PVT1: variants seen among roughly 807,000 people sequenced by gnomAD.
PVT1 encodes CXCR4/PVT1 fusion.
chr8:127,962,652 G>A (rs1222936180), intron 3 of PVT1, among the ~76,000 whole-genome samples: 2 of 151,926 alleles, frequency 1.3e-5, no homozygotes, highest in East Asian at 1.9e-4. Flanking sequence ...GCTGGAGTGC[G>A]GGGGTGCTAT....
chr8:128,009,949 C>T (rs1214426910), intron 4 of PVT1, among the ~76,000 whole-genome samples: 2 of 152,112 alleles, frequency 1.3e-5, no homozygotes, highest in Non-Finnish European at 1.5e-5. Flanking sequence ...TCAGGAAAGT[C>T]GACTAAGATA....
intron 2 of PVT1, among the ~76,000 whole-genome samples, chr8:127,851,077 G>A (rs1334936719): frequency 1.3e-5 from 2 of 151,802 alleles, no homozygotes; most frequent in African/African-American, 2.4e-5. Flanking sequence ...GCATTTTTAA[G>A]CATTTTATAT....
intron 4 of PVT1, among the ~76,000 whole-genome samples, chr8:128,025,968 T>G (rs1369307937): frequency 6.6e-6 from 1 of 151,962 alleles, no homozygotes; most frequent in African/African-American, 2.4e-5. Flanking sequence ...TTTTTTTCTT[T>G]TGAGACAGAC....
intron 3 of PVT1, among the ~76,000 whole-genome samples, chr8:127,987,590 T>C (rs1816983927): frequency 6.6e-6 from 1 of 152,220 alleles, no homozygotes. Context: ...TGCTAAACTC[T>C]GCAAAGATTC....
intron 3 of PVT1, among the ~76,000 whole-genome samples, chr8:127,930,774 C>A (rs1019673814): frequency 3.9e-5 from 6 of 152,146 alleles, no homozygotes; most frequent in Non-Finnish European, 8.8e-5. Context: ...CCGCTGAGAA[C>A]CCCCTTATAG....
At position 128,044,740 on chromosome 8, in the gene PVT1, C is replaced by T. The variant is rs147060963; in HGVS notation, n.913-25420C>T. Among the ~76,000 whole-genome samples, 7 of 152,360 alleles carry T rather than the reference C, an allele frequency of 4.6e-5. No homozygotes were observed. The South Asian group carries it at 1.0e-3, about 23-fold the overall frequency. On this transcript the variant is annotated intron_variant and non_coding_transcript_variant, in intron 4 of 10. Coordinates refer to ENST00000651587, the Ensembl canonical transcript of PVT1. ...TAAAATACCAAGTATGGTGCCTGTGCATAGTTGGCCATCAATGAGTGGTGG... is the reference window on the plus strand; with the variant it reads ...TAAAATACCAAGTATGGTGCCTGTGTATAGTTGGCCATCAATGAGTGGTGG...
intron 4 of PVT1, among the ~76,000 whole-genome samples, chr8:128,016,756 G>A (rs935645856): frequency 1.3e-5 from 2 of 152,150 alleles, no homozygotes; most frequent in African/African-American, 4.8e-5. Context: ...CAGGTGACAC[G>A]ACATGGTTAT....
At chr8:128,013,387 T>G (rs1817337191) in intron 4 of PVT1, among the ~76,000 whole-genome samples, 1 of 20,140 alleles carries the variant, frequency 5.0e-5, no homozygotes, top group Non-Finnish European at 9.2e-5. Context: ...ATTTTTCCTG[T>G]TTTTTTTTCC....
chr8:127,920,096 A>T (rs146702755), intron 3 of PVT1, among the ~76,000 whole-genome samples: 1 of 152,316 alleles, frequency 6.6e-6, no homozygotes, highest in Non-Finnish European at 1.5e-5. Flanking sequence ...GTTCCTGCAG[A>T]CAGAGCTTGC....
intron 2 of PVT1, among the ~76,000 whole-genome samples, chr8:127,854,275 G>A (rs933908857): frequency 2.6e-5 from 4 of 152,244 alleles, no homozygotes; most frequent in Non-Finnish European, 5.9e-5. Flanking sequence ...CCTCTGGGCT[G>A]ACTCGAGCCC....
rs35147410 is a variant in PVT1 at position 127,937,548 on chromosome 8, GACAC to G, written n.782+46580_782+46583del. Among the ~76,000 whole-genome samples the G allele has an allele frequency of 2.3e-3, 286 of 122,624 alleles. 1 individual carries two copies. Among genetic ancestry groups the G allele is most frequent in the Non-Finnish European group, 2.7e-3 (168 of 62,220 alleles). The allele number at this position is 122,624 out of a possible 152,430, so 80.4% of individuals were successfully genotyped here. ...AGAAAATGCCCACCCTAGGGAAAAAGACACACACACACACACACACACACACACA... is the reference window on the plus strand; with the variant it reads ...AGAAAATGCCCACCCTAGGGAAAAAGACACACACACACACACACACACACA... On this transcript the variant is annotated intron_variant and non_coding_transcript_variant, in intron 3 of 10. Transcript: ENST00000651587.
chr8:128,030,817 T>A (rs1213720920), intron 4 of PVT1, among the ~76,000 whole-genome samples: 1 of 152,170 alleles, frequency 6.6e-6, no homozygotes, highest in Non-Finnish European at 1.5e-5. Flanking sequence ...CCACATGGCC[T>A]CCTCACTAGC....
intron 4 of PVT1, among the ~76,000 whole-genome samples, chr8:127,997,538 TG>T (rs1817121456): frequency 2.0e-5 from 3 of 152,170 alleles, no homozygotes; most frequent in Admixed American, 2.0e-4. Flanking sequence ...ATATTCCAGA[TG>T]TCATGATTTT....
In PVT1 at chr8:127,984,921, CTCTTTCTCTTTCTTTCTTTCTTTCCCCTT is replaced by C. The variant is rs1563657668; in HGVS notation, n.783-4240_783-4212del. Among the ~76,000 whole-genome samples the C allele has an allele frequency of 6.5e-4, 73 of 112,312 alleles. 5 individuals carry two copies. The highest frequency in any genetic ancestry group is 3.0e-3 in the African/African-American group (70 of 23,250). The allele number at this position is 112,312 out of a possible 152,430, so 73.7% of individuals were successfully genotyped here. ...TCTTTCTTTCTTTCTTTCTTTCTTT[CTCTTTCTCTTTCTTTCTTTCTTTCCCCTT>C]CCTTCCTTCCTTCCTCCCTCCTTCC... is the stretch of plus-strand genomic sequence containing the variant. On this transcript the variant is annotated intron_variant and non_coding_transcript_variant, in intron 3 of 10. Coordinates refer to ENST00000651587, the Ensembl canonical transcript of PVT1.
chr8:127,797,791 G>T (rs995134079), intron 2 of PVT1, among the ~76,000 whole-genome samples: 1 of 152,122 alleles, frequency 6.6e-6, no homozygotes, highest in African/African-American at 2.4e-5. Flanking sequence ...GTGGGGCAGG[G>T]TTGGTTCTAA....
At chr8:128,069,401 G>T (rs899241960) in intron 4 of PVT1, among the ~76,000 whole-genome samples, 1 of 152,116 alleles carries the variant, frequency 6.6e-6, no homozygotes, top group African/African-American at 2.4e-5. Flanking sequence ...ATGACGTCAC[G>T]AAAGGACAGC....
At chr8:128,018,560 C>T (rs572797749) in intron 4 of PVT1, among the ~76,000 whole-genome samples, 15 of 152,306 alleles carry the variant, frequency 9.8e-5, no homozygotes, top group Admixed American at 4.6e-4. Context: ...GGTACCGAAA[C>T]GTTCCAGATG....
intron 4 of PVT1, among the ~76,000 whole-genome samples, chr8:128,038,044 T>C (rs774982139): frequency 2.0e-5 from 3 of 152,148 alleles, no homozygotes; most frequent in Non-Finnish European, 4.4e-5. Flanking sequence ...CCAGGCTGAG[T>C]TGATATAATT....
intron 3 of PVT1, among the ~76,000 whole-genome samples, chr8:127,956,610 G>A (rs577385749): frequency 3.3e-5 from 5 of 152,276 alleles, no homozygotes; most frequent in African/African-American, 9.6e-5. Context: ...TCAGCCTCCC[G>A]AGTAGCTGAA....
Sources: gnomAD v4.1 joint callset for allele counts (sites outside exome capture counted in the v4.1 genomes callset) on GRCh38, gnomAD v4.1.1 for gene constraint, MANE v1.5 for transcripts, NCBI Gene and HGNC (gene_info 2026-07-23, HGNC 2026-07-21) for gene names.